Variants in ARMCX4 observed in about 807,000 individuals in gnomAD.
ARMCX4 encodes the protein armadillo repeat containing X-linked 4.
ARMCX4 carries 3 observed loss-of-function variants against 34.7 expected under a neutral mutation model. The ratio of observed to expected loss-of-function variants is 0.09; its 90% CI spans 0.04 to 0.22. The LOEUF (loss-of-function observed/expected upper bound fraction) is 0.22, where lower values mean the gene tolerates loss of function less well. Ranked by LOEUF, ARMCX4 falls within the 10% of genes least tolerant of loss-of-function variation. The pLI is 1.00. For synonymous variants in ARMCX4, 513 were observed against 632.8 expected, an observed-to-expected ratio of 0.81 and a Z score of 2.84; for missense variants, 1,448 against 1,720.8, an observed-to-expected ratio of 0.84 and a Z score of 2.81.
chrX:101,515,198 G>A (rs142314774), intron 11 of ARMCX4, among the ~76,000 whole-genome samples: 1,857 of 110,964 alleles, frequency 0.017, 36 homozygotes, highest in African/African-American at 0.057. Flanking sequence ...ATGTCCTCAG[G>A]TATAAAATAC....
chrX:101,433,325 T>C (rs782428760), intron 2 of ARMCX4, among the ~76,000 whole-genome samples: 2 of 101,436 alleles, frequency 2.0e-5, no homozygotes, highest in East Asian at 6.0e-4. Context: ...TATACTTACA[T>C]ATAAACATAT....
At chrX:101,436,327 T>C (rs1930767623) in intron 2 of ARMCX4, among the ~76,000 whole-genome samples, 1 of 110,758 alleles carries the variant, frequency 9.0e-6, no homozygotes, top group African/African-American at 3.3e-5. Context: ...CCTTGAGCAG[T>C]GGTTTGTAGT....
chrX:101,421,611 A>G (rs781999338), intron 2 of ARMCX4, among the ~76,000 whole-genome samples: 1 of 111,348 alleles, frequency 9.0e-6, no homozygotes, highest in Non-Finnish European at 1.9e-5. Context: ...GTGTCTGGTG[A>G]GGCCATTCTC....
chrX:101,490,706 G>A lies in ARMCX4; in HGVS notation c.2117G>A (p.Gly706Asp), dbSNP rs958566450. The change falls in exon 6 of 6, where the codon GGC (glycine) becomes GAC (aspartate). Residue 706 changes from glycine (G) to aspartate (D), a missense_variant. By Grantham distance (94) the Gly-to-Asp change is moderately conservative. Around this residue, in one of 2 missense-constraint regions of ARMCX4, gnomAD observed 1,343 missense variants for 1,540.7 expected, o/e 0.87. Coordinates refer to ENST00000423738, the MANE Select transcript of ARMCX4 (RefSeq NM_001256155.3). ...GCAGGGGCTGGGACAGATACAACAGGCTCTGTCCAGCCCCAGATTGTGGCC... is the reference window on the plus strand; with the variant it reads ...GCAGGGGCTGGGACAGATACAACAGACTCTGTCCAGCCCCAGATTGTGGCC... ...SKAGAGTDTT[G>D]SVQPQIVANS... is the part of the protein sequence containing the mutation. 83 of 1,148,338 alleles carry A rather than the reference G, an allele frequency of 7.2e-5. No individual in the cohort carries two copies. In the African/African-American group the frequency reaches 1.2e-3, roughly 16 times the overall value. 94.6% of individuals were successfully genotyped at this position (1,148,338 alleles called of 1,213,427 possible).
intron 4 of ARMCX4, among the ~76,000 whole-genome samples, chrX:101,469,766 G>A (rs1932858634): frequency 1.8e-5 from 2 of 110,969 alleles, no homozygotes; most frequent in Admixed American, 9.6e-5. Flanking sequence ...GTGGAGCTCA[G>A]ACACCAGACC....
At chrX:101,430,434 A>G (rs1377737089) in intron 2 of ARMCX4, among the ~76,000 whole-genome samples, 3 of 112,595 alleles carry the variant, frequency 2.7e-5, no homozygotes, top group Non-Finnish European at 5.6e-5. Context: ...GGAGAATGAG[A>G]AAACTTGATT....
chrX:101,485,885 G>T (rs1198932693), intron 1 of ARMCX4, 138 bp from the exon 2 acceptor site: 1 of 111,674 alleles, frequency 9.0e-6, no homozygotes, highest in Non-Finnish European at 1.9e-5. Context: ...GGTGGGGTTG[G>T]TAAGGGTGGT....
At chrX:101,420,840 A>G (rs1929194483) in intron 2 of ARMCX4, among the ~76,000 whole-genome samples, 1 of 112,554 alleles carries the variant, frequency 8.9e-6, no homozygotes, top group Non-Finnish European at 1.9e-5. Context: ...CATTCAGTCT[A>G]TATCCTAAGA....
At chrX:101,523,140 G>A (rs782294096) in intron 11 of ARMCX4, among the ~76,000 whole-genome samples, 11 of 111,852 alleles carry the variant, frequency 9.8e-5, no homozygotes, top group Non-Finnish European at 1.1e-4. Flanking sequence ...TAGGGCAAAA[G>A]CACCAGTGGC....
chrX:101,484,088 ACTT>A (rs1933586702), upstream of ARMCX4, among the ~76,000 whole-genome samples: 1 of 110,985 alleles, frequency 9.0e-6, no homozygotes, highest in South Asian at 3.8e-4. Flanking sequence ...ACATGAAAAA[ACTT>A]CTTTTTCTTG....
chrX:101,471,630 T>C (rs1019543878), intron 4 of ARMCX4, among the ~76,000 whole-genome samples: 21 of 111,867 alleles, frequency 1.9e-4, no homozygotes, highest in African/African-American at 4.9e-4. Flanking sequence ...AGACTGCCTC[T>C]TCAAGTGGGT....
chrX:101,533,119 T>C (rs1224463414), exon 13 of ARMCX4: 1 of 108,774 alleles, frequency 9.2e-6, no homozygotes, highest in Admixed American at 1.0e-4. Flanking sequence ...GTAATTGACT[T>C]CTGCTTGGGT....
intron 4 of ARMCX4, among the ~76,000 whole-genome samples, chrX:101,458,020 G>A (rs1312225144): frequency 9.0e-6 from 1 of 111,281 alleles, no homozygotes; most frequent in Non-Finnish European, 1.9e-5. Flanking sequence ...GGGATTACAG[G>A]CATGAGCCAC....
At chrX:101,461,381 T>TAAC (rs782125257) in intron 4 of ARMCX4, among the ~76,000 whole-genome samples, 32 of 112,395 alleles carry the variant, frequency 2.8e-4, no homozygotes, top group African/African-American at 1.0e-3. Context: ...AGTCAGCATG[T>TAAC]AACAGACTTT....
intron 4 of ARMCX4, among the ~76,000 whole-genome samples, chrX:101,469,192 A>C (rs961319095): frequency 6.2e-5 from 7 of 112,596 alleles, no homozygotes; most frequent in Non-Finnish European, 1.1e-4. Flanking sequence ...TGTAATCTGC[A>C]ACATTGTTAT....
chrX:101,509,556 T>C (rs1556015924), intron 9 of ARMCX4: 1 of 111,570 alleles, frequency 9.0e-6, no homozygotes, highest in South Asian at 3.7e-4. Context: ...ATTTGTGAAA[T>C]ATCATTTCTT....
chrX:101,434,249 G>A (rs978396986), intron 2 of ARMCX4, among the ~76,000 whole-genome samples: 5 of 88,444 alleles, frequency 5.7e-5, no homozygotes, highest in Admixed American at 4.2e-4. Flanking sequence ...CCTGGTTAGA[G>A]TATTCTTTTT....
chrX:101,506,349 A>G (rs782309984), intron 8 of ARMCX4, among the ~76,000 whole-genome samples: 6 of 111,852 alleles, frequency 5.4e-5, no homozygotes, highest in Non-Finnish European at 9.4e-5. Context: ...TTGGGCCGCT[A>G]CAACAAAATA....
At chrX:101,454,105 C>T (rs1223030799) in intron 4 of ARMCX4, among the ~76,000 whole-genome samples, 1 of 109,984 alleles carries the variant, frequency 9.1e-6, no homozygotes, top group Non-Finnish European at 1.9e-5. Context: ...ATTATCAGAG[C>T]CTAGAGCAGA....
Sources: allele counts gnomAD v4.1 joint callset (sites outside exome capture counted in the v4.1 genomes callset), GRCh38; gene constraint gnomAD v4.1.1; regional missense constraint gnomAD v4.1.1; transcripts MANE v1.5; gene names NCBI Gene and HGNC (gene_info 2026-07-23, HGNC 2026-07-21).